The following CHL1 variants were observed in gnomAD, a reference collection of about 807,000 sequenced individuals.
CHL1 encodes neural cell adhesion molecule L1-like protein.
A neutral mutation model predicts 141.9 loss-of-function variants in CHL1; 96 were observed. The ratio of observed to expected loss-of-function variants is 0.68; its 90% CI spans 0.57 to 0.80. CHL1 has a LOEUF of 0.80. CHL1 is among the 30% of genes least tolerant of loss of function. CHL1 has a pLI of 0.00. For synonymous variants in CHL1, 613 were observed against 502.2 expected, an observed-to-expected ratio of 1.22 and a Z score of -2.95; for missense variants, 1,820 against 1,457.2, an observed-to-expected ratio of 1.25 and a Z score of -4.05.
intron 15 of CHL1, among the ~76,000 whole-genome samples, chr3:369,206 T>G (rs1452345587): frequency 6.6e-6 from 1 of 152,038 alleles, no homozygotes; most frequent in East Asian, 1.9e-4. Context: ...ATTTTCGTGA[T>G]ATTTATTCTT....
At chr3:345,640 C>T (rs1702708923) in intron 9 of CHL1, among the ~76,000 whole-genome samples, 1 of 151,982 alleles carries the variant, frequency 6.6e-6, no homozygotes. Context: ...TGTGCCACCA[C>T]ACCTGGCCAG....
intron 1 of CHL1, among the ~76,000 whole-genome samples, chr3:225,901 C>T (rs944759989): frequency 9.9e-5 from 15 of 151,086 alleles, no homozygotes; most frequent in Non-Finnish European, 1.6e-4. Flanking sequence ...CCCAGCTACT[C>T]GGGGGGCTGA....
chr3:213,005 A>G lies in CHL1; in HGVS notation c.-175+15942A>G, dbSNP rs548197388. On this transcript the variant is annotated intron_variant, in intron 1 of 27. Transcript: ENST00000256509. ...TACCTTAAATGAAACACCAGTGTCA[A>G]CGGCAAACAATGAAAAGTAAGAGCA... 3.5e-4 allele frequency among the ~76,000 whole-genome samples: 54 copies of G among 152,334 alleles called. 1 individual carries two copies. The South Asian group carries it at 0.01, about 29-fold the overall frequency.
chr3:379,709 C>A (rs900936985), intron 16 of CHL1, among the ~76,000 whole-genome samples: 2 of 151,890 alleles, frequency 1.3e-5, no homozygotes, highest in Non-Finnish European at 2.9e-5. Context: ...ATTTTACCTA[C>A]GATTATATGT....
At chr3:405,223 T>C (rs77883906) in intron 27 of CHL1, among the ~76,000 whole-genome samples, 1,673 of 152,288 alleles carry the variant, frequency 0.011, 35 homozygotes, top group African/African-American at 0.038. Flanking sequence ...CTACAGAAGC[T>C]AAGCTGCTCA....
At chr3:361,185 T>G (rs543568700) in intron 12 of CHL1, among the ~76,000 whole-genome samples, 1 of 151,608 alleles carries the variant, frequency 6.6e-6, no homozygotes, top group South Asian at 2.1e-4. Flanking sequence ...AAGCTGAAAC[T>G]GGATCCCTTC....
chr3:298,112 G>C (rs904145068), intron 2 of CHL1, among the ~76,000 whole-genome samples: 2 of 152,156 alleles, frequency 1.3e-5, no homozygotes, highest in Non-Finnish European at 2.9e-5. Context: ...ACTCAGGAAA[G>C]AGACAACATA....
At chr3:269,353 C>T (rs1314036353) in intron 2 of CHL1, among the ~76,000 whole-genome samples, 1 of 152,124 alleles carries the variant, frequency 6.6e-6, no homozygotes, top group Non-Finnish European at 1.5e-5. Flanking sequence ...CAAATGTTCC[C>T]TGTTTAGTTA....
chr3:212,169 G>A (rs1407346621), intron 1 of CHL1, among the ~76,000 whole-genome samples: 1 of 151,940 alleles, frequency 6.6e-6, no homozygotes, highest in African/African-American at 2.4e-5. Context: ...TGAGAAGGGT[G>A]GTAATAAACT....
At chr3:260,881 C>G (rs1340136896) in intron 2 of CHL1, among the ~76,000 whole-genome samples, 1 of 152,186 alleles carries the variant, frequency 6.6e-6, no homozygotes, top group Non-Finnish European at 1.5e-5. Flanking sequence ...GACTTTTCCA[C>G]AAGGCGTCAG....
intron 24 of CHL1, among the ~76,000 whole-genome samples, chr3:397,581 A>C (rs1190721721): frequency 3.3e-5 from 5 of 152,104 alleles, no homozygotes; most frequent in African/African-American, 1.2e-4. Flanking sequence ...ATTTTTGTTC[A>C]ACTTGATTCA....
intron 12 of CHL1, 112 bp downstream of exon 12, chr3:360,536 A>T (rs1320121492): frequency 9.2e-7 from 1 of 1,086,540 alleles, no homozygotes; most frequent in African/African-American, 1.6e-5. Flanking sequence ...GGAAAAATCA[A>T]ACTACTTTTC....
chr3:295,370 T>C (rs1416392746), intron 2 of CHL1, among the ~76,000 whole-genome samples: 1 of 152,182 alleles, frequency 6.6e-6, no homozygotes, highest in African/African-American at 2.4e-5. Flanking sequence ...GCTTAAACAT[T>C]GCTTACCCTT....
intron 2 of CHL1, among the ~76,000 whole-genome samples, chr3:275,512 T>C (rs1696011393): frequency 6.6e-6 from 1 of 152,226 alleles, no homozygotes; most frequent in Admixed American, 6.5e-5. Context: ...ATCTTATGAA[T>C]TGTTTTAGGT....
In CHL1 at chr3:386,067, C is replaced by T. The variant is rs138269842; in HGVS notation, c.2247+2181C>T. ...TCACTGAGTATGGTTCTGTATGGAT[C>T]ATCCTGCGGAAAGGAGTTAGACTCC... On this transcript the variant is annotated intron_variant, in intron 19 of 27. Coordinates refer to ENST00000256509, the MANE Select transcript of CHL1 (RefSeq NM_006614.4). 1.6e-3 allele frequency among the ~76,000 whole-genome samples: 236 copies of T among 152,072 alleles called. 2 individuals carry two copies. The highest frequency in any genetic ancestry group is 5.3e-3 in the African/African-American group (220 of 41,472).
chr3:306,132 C>G (rs978809099), intron 2 of CHL1, among the ~76,000 whole-genome samples: 1 of 152,098 alleles, frequency 6.6e-6, no homozygotes, highest in African/African-American at 2.4e-5. Context: ...GTTTAGGGAT[C>G]TAGGTCATTG....
At chr3:261,572 C>G (rs1694729032) in intron 2 of CHL1, among the ~76,000 whole-genome samples, 2 of 152,038 alleles carry the variant, frequency 1.3e-5, no homozygotes, top group Non-Finnish European at 1.5e-5. Context: ...TAAGATCTTA[C>G]TTGTAAAATA....
At chr3:208,277 G>A (rs1247119694) in intron 1 of CHL1, among the ~76,000 whole-genome samples, 3 of 151,840 alleles carry the variant, frequency 2.0e-5, no homozygotes, top group Admixed American at 6.6e-5. Flanking sequence ...GTGTAATTTT[G>A]GACAGCAGGC....
intron 1 of CHL1, among the ~76,000 whole-genome samples, chr3:226,122 G>C (rs571450535): frequency 1.7e-3 from 262 of 150,710 alleles, no homozygotes; most frequent in Non-Finnish European, 3.1e-3. Flanking sequence ...TCAGGTTCAA[G>C]TGATTCTCGT....
Sources: allele counts gnomAD v4.1 joint callset (sites outside exome capture counted in the v4.1 genomes callset), GRCh38; gene constraint gnomAD v4.1.1; transcripts MANE v1.5; gene names NCBI Gene and HGNC (gene_info 2026-07-23, HGNC 2026-07-21).